The following ADGRV1 variants were observed in gnomAD, a reference collection of about 807,000 sequenced individuals.
ADGRV1 encodes the protein G-protein coupled receptor 98.
A neutral mutation model predicts 596.2 loss-of-function variants in ADGRV1; 359 were observed. That is an observed-to-expected ratio of 0.60 (90% CI 0.55 to 0.66). The LOEUF (loss-of-function observed/expected upper bound fraction) is 0.66, where lower values mean the gene tolerates loss of function less well. ADGRV1 is among the 30% of genes least tolerant of loss of function. The probability of loss-of-function intolerance (pLI) is 0.00; values close to 1 mark genes in which losing one functional copy is unlikely to be tolerated. For synonymous variants in ADGRV1, 2,681 were observed against 2,679.2 expected, an observed-to-expected ratio of 1.00 and a Z score of -0.02; for missense variants, 7,274 against 7,575.6, an observed-to-expected ratio of 0.96 and a Z score of 1.48.
rs145556097 is a variant in ADGRV1, at chr5:90,647,626, G to T, written c.3151G>T (p.Asp1051Tyr). 2.1e-3 allele frequency: 3,383 copies of T among 1,613,952 alleles called. 7 individuals carry two copies. Among genetic ancestry groups the T allele is most frequent in the Admixed American group, 3.0e-3 (178 of 60,016 alleles). The change falls in exon 17 of 90, where the codon GAT becomes TAT. Residue 1051 changes from aspartate to tyrosine, a missense_variant. Asp to Tyr is a radical substitution (Grantham distance 160). Around this residue, in one of 5 missense-constraint regions of ADGRV1, gnomAD observed 1,715 missense variants for 1,708.8 expected, o/e 1.00. Coordinates refer to ENST00000405460, the MANE Select transcript of ADGRV1 (RefSeq NM_032119.4). ...TGGGAAGGCTACTGCAAGAGAGAGAGATTTCATTCCTGTTGAAAAAGGAGA... is the reference window on the plus strand; with the variant it reads ...TGGGAAGGCTACTGCAAGAGAGAGATATTTCATTCCTGTTGAAAAAGGAGA... ...KDGKATARER[D>Y]FIPVEKGETL...
chr5:90,657,208 G>C (rs970268121), intron 20 of ADGRV1, among the ~76,000 whole-genome samples: 1 of 150,906 alleles, frequency 6.6e-6, no homozygotes, highest in African/African-American at 2.4e-5. Context: ...GATCGCTTGA[G>C]GCCAGGAGTT....
At chr5:90,639,219 A>G (rs1766658445) in intron 11 of ADGRV1, among the ~76,000 whole-genome samples, 1 of 152,192 alleles carries the variant, frequency 6.6e-6, no homozygotes, top group Non-Finnish European at 1.5e-5. Flanking sequence ...TGAAATGTAA[A>G]TTGGAAATTA....
In ADGRV1 at chr5:90,645,872, A is replaced by G. The variant is rs1021121816; in HGVS notation, c.2899-96A>G. ...AAGGAAATGAATAATGGTAGTGTTA[A>G]TGGTGCTTTTTTAAAAAAACTGAAT... On this transcript the variant is annotated intron_variant, in intron 15 of 89. Coordinates refer to ENST00000405460, the MANE Select transcript of ADGRV1 (RefSeq NM_032119.4). The G allele has an allele frequency of 7.4e-6, 7 of 949,948 alleles. No homozygotes were observed. The African/African-American group carries it at 1.2e-4, about 16-fold the overall frequency. 58.8% of individuals were successfully genotyped at this position (949,948 alleles called of 1,614,324 possible). A position where few individuals can be genotyped will look rare whatever the true frequency, so the allele number is the denominator to read the frequency against.
chr5:91,138,689 C>T (rs1211618428), intron 87 of ADGRV1, among the ~76,000 whole-genome samples: 2 of 151,924 alleles, frequency 1.3e-5, no homozygotes, highest in African/African-American at 4.8e-5. Context: ...TGCAAAAATT[C>T]CAAGAAGTAT....
intron 1 of ADGRV1, among the ~76,000 whole-genome samples, chr5:90,606,216 G>A (rs560203969): frequency 6.6e-6 from 1 of 152,274 alleles, no homozygotes; most frequent in South Asian, 2.1e-4. Context: ...AACTGTGTTT[G>A]TCTGAATCTG....
At chr5:90,755,708 A>G (rs1269081336) in intron 55 of ADGRV1, among the ~76,000 whole-genome samples, 1 of 151,480 alleles carries the variant, frequency 6.6e-6, no homozygotes, top group Non-Finnish European at 1.5e-5. Flanking sequence ...ATATGTGACT[A>G]TATCAGTAAT....
At chr5:90,831,298 C>A (rs542779140) in intron 77 of ADGRV1, among the ~76,000 whole-genome samples, 22 of 151,512 alleles carry the variant, frequency 1.5e-4, no homozygotes, top group Admixed American at 2.0e-4. Context: ...CACACACACA[C>A]AAAAACATAA....
At chr5:90,992,010 G>C (rs1277644004) in intron 85 of ADGRV1, among the ~76,000 whole-genome samples, 4 of 152,142 alleles carry the variant, frequency 2.6e-5, no homozygotes, top group Non-Finnish European at 4.4e-5. Flanking sequence ...ACTGCCTGTG[G>C]GTGCACATGC....
Position 90,689,160 on chromosome 5 carries a change from G to T in ADGRV1, c.6491-701G>T, listed in dbSNP as rs1321026839. ...TCTGGCCATAATACTTGCTTGAAAAGACAATAAACCAGGCCCATCTAATAC... is the reference window on the plus strand; with the variant it reads ...TCTGGCCATAATACTTGCTTGAAAATACAATAAACCAGGCCCATCTAATAC... On this transcript the variant is annotated intron_variant, in intron 29 of 89. Coordinates refer to ENST00000405460, the MANE Select transcript of ADGRV1 (RefSeq NM_032119.4). Among the ~76,000 whole-genome samples the T allele has an allele frequency of 2.6e-5, 4 of 152,014 alleles. No homozygotes were observed. The South Asian group carries it at 8.3e-4, about 32-fold the overall frequency.
chr5:91,044,388 A>G (rs901327912), intron 85 of ADGRV1, among the ~76,000 whole-genome samples: 1 of 152,222 alleles, frequency 6.6e-6, no homozygotes, highest in Non-Finnish European at 1.5e-5. Flanking sequence ...TTCTCTACAC[A>G]CAAAAATGAT....
chr5:90,851,134 T>TGTGTGTGA (rs757909771), intron 79 of ADGRV1, among the ~76,000 whole-genome samples: 13 of 81,510 alleles, frequency 1.6e-4, no homozygotes, highest in South Asian at 1.1e-3. Flanking sequence ...TGTGTGTGTG[T>TGTGTGTGA]GAGAGAGAGA....
At chr5:90,582,509 T>G (rs974500805) in intron 1 of ADGRV1, among the ~76,000 whole-genome samples, 3 of 152,184 alleles carry the variant, frequency 2.0e-5, no homozygotes, top group Non-Finnish European at 4.4e-5. Flanking sequence ...ATAAGAATAG[T>G]GACTCCTGGT....
intron 77 of ADGRV1, among the ~76,000 whole-genome samples, chr5:90,838,558 C>T (rs937974216): frequency 2.3e-4 from 35 of 152,184 alleles, no homozygotes; most frequent in Non-Finnish European, 1.2e-4. Flanking sequence ...GATGTCGTCA[C>T]TTGAATGTCT....
intron 83 of ADGRV1, among the ~76,000 whole-genome samples, chr5:90,910,555 CTATCT>C (rs1772781693): frequency 9.0e-5 from 1 of 11,152 alleles, no homozygotes; most frequent in South Asian, 1.7e-3. Flanking sequence ...TATATATTAT[CTATCT>C]ATCTATCTAT....
intron 31 of ADGRV1, among the ~76,000 whole-genome samples, chr5:90,691,674 C>T (rs559664509): frequency 1.8e-4 from 28 of 152,206 alleles, no homozygotes; most frequent in East Asian, 5.8e-4. Context: ...CATGAGCCAA[C>T]GTGCCCAGCC....
At chr5:90,810,108 T>C in intron 73 of ADGRV1, 125 bp from the exon 74 acceptor site, 1 of 737,300 alleles carries the variant, frequency 1.4e-6, no homozygotes, top group Non-Finnish European at 2.2e-6. Context: ...GAATTTGAAA[T>C]GGCACGTCAT....
intron 43 of ADGRV1, among the ~76,000 whole-genome samples, chr5:90,719,311 A>C (rs1034977373): frequency 2.4e-4 from 36 of 150,718 alleles, no homozygotes; most frequent in African/African-American, 8.8e-4. Context: ...ACAGCACAAG[A>C]CTCTGTCTCA....
chr5:90,708,902 C>G lies in ADGRV1; in HGVS notation c.8817C>G (p.Pro2939=). 1 of 1,606,428 alleles carries G rather than the reference C, an allele frequency of 6.2e-7. No individual in the cohort carries two copies. Among genetic ancestry groups the G allele is most frequent in the Non-Finnish European group, 8.5e-7 (1 of 1,173,478 alleles). Residue 2939 remains proline, a synonymous_variant, in exon 39 of 90, where the codon CCC becomes CCG. Coordinates refer to ENST00000405460, the MANE Select transcript of ADGRV1 (RefSeq NM_032119.4). ...TGGCTGCTTCAACTTCATTTCCTCC[C>G]AGACTAGGTATGAGGGGTTTCTTGT... ...LTMAASTSFP[P]RLDSEGLTAQ... is the part of the protein sequence containing the mutation.
intron 83 of ADGRV1, among the ~76,000 whole-genome samples, chr5:90,928,632 C>G (rs967635826): frequency 1.6e-4 from 24 of 150,586 alleles, no homozygotes; most frequent in Non-Finnish European, 2.5e-4. Flanking sequence ...TCTCTCAGCT[C>G]GTGAAAGTCA....
Sources: allele counts gnomAD v4.1 joint callset (sites outside exome capture counted in the v4.1 genomes callset), GRCh38; gene constraint gnomAD v4.1.1; regional missense constraint gnomAD v4.1.1; transcripts MANE v1.5; gene names NCBI Gene and HGNC (gene_info 2026-07-23, HGNC 2026-07-21).